GOLGA3: variants seen among roughly 807,000 people sequenced by gnomAD.
GOLGA3 encodes golgin A3.
Under a neutral mutation model 169.4 loss-of-function variants are expected in GOLGA3, and 75 were observed. The ratio of observed to expected loss-of-function variants is 0.44; its 90% CI spans 0.37 to 0.54. The LOEUF is 0.54. Among genes scored for constraint, GOLGA3 ranks in the 20% least tolerant of loss-of-function variants. The pLI is 0.00. For synonymous variants in GOLGA3, 824 were observed against 822.4 expected (o/e 1.00, Z -0.03); for missense variants, 1,899 against 1,930.0 (o/e 0.98, Z 0.30).
intron 3 of GOLGA3, among the ~76,000 whole-genome samples, chr12:132,814,621 G>A (rs575954331): frequency 1.3e-5 from 2 of 152,302 alleles, no homozygotes; most frequent in South Asian, 2.1e-4. Context: ...GTCACATTAC[G>A]ATAAGGCTCT....
Position 132,808,043 on chromosome 12 carries a change from G to T in GOLGA3, c.1026C>A (p.Pro342=). 1 of 1,605,082 alleles carries T rather than the reference G, an allele frequency of 6.2e-7. No homozygotes were observed. Among genetic ancestry groups the T allele is most frequent in the Non-Finnish European group, 8.5e-7 (1 of 1,174,630 alleles). The change falls in exon 5 of 24, where the codon CCC becomes CCA. Residue 342 remains proline, a synonymous_variant. Transcript: ENST00000450791. ...GAATCTCCTGGCCGTTGACCATATA[G>T]GGGGTGTCCTGCGTGCCCACTGTCT... The part of the protein sequence containing the change: ...LSKTVGTQDT[P]YMVNGQEIPA...
intron 4 of GOLGA3, among the ~76,000 whole-genome samples, chr12:132,811,371 G>A (rs765002111): frequency 6.6e-5 from 10 of 152,044 alleles, no homozygotes; most frequent in African/African-American, 2.2e-4. Context: ...GGCCCTCTGC[G>A]GCCATTCTAA....
chr12:132,774,349 C>G (rs1473506129), intron 22 of GOLGA3, 29 bp from the exon 23 acceptor site: 1 of 1,607,144 alleles, frequency 6.2e-7, no homozygotes, highest in Non-Finnish European at 8.5e-7. Context: ...GATCAGCTTT[C>G]CCACCGTCCC....
intron 2 of GOLGA3, 148 bp downstream of exon 2, chr12:132,821,848 C>G (rs1322828387): frequency 1.8e-6 from 1 of 556,696 alleles, no homozygotes; most frequent in African/African-American, 2.5e-5. Flanking sequence ...AGCGAGACTC[C>G]GTCTCAAAAA....
chr12:132,816,961 C>T (rs1260722461), intron 2 of GOLGA3, 149 bp from the exon 3 acceptor site: 4 of 787,282 alleles, frequency 5.1e-6, no homozygotes, highest in Non-Finnish European at 7.9e-6. Flanking sequence ...CTGAGAGGAG[C>T]AGCCCATGGG....
intron 1 of GOLGA3, chr12:132,828,022 C>T (rs1380416636): frequency 1.3e-5 from 2 of 152,282 alleles, no homozygotes; most frequent in African/African-American, 4.8e-5. Context: ...TTACCGCCAT[C>T]GCTTTCCCCC....
At chr12:132,796,814 T>A (rs1799000052) in intron 9 of GOLGA3, 114 bp from the exon 10 acceptor site, 8 of 1,042,562 alleles carry the variant, frequency 7.7e-6, no homozygotes, top group Middle Eastern at 2.2e-4. Context: ...CCCATCCACC[T>A]CCTCATCCTG....
chr12:132,779,964 C>T (rs1349153424), intron 18 of GOLGA3, among the ~76,000 whole-genome samples: 2 of 133,258 alleles, frequency 1.5e-5, no homozygotes, highest in Admixed American at 8.2e-5. Flanking sequence ...GACATCACAA[C>T]CCTTCCACGC....
Position 132,801,902 on chromosome 12 carries a change from C to T in GOLGA3, c.1665G>A (p.Thr555=), listed in dbSNP as rs199984031. 1.6e-5 allele frequency: 26 copies of T among 1,602,800 alleles called. No individual in the cohort carries two copies. The East Asian group carries it at 2.0e-4, about 12-fold the overall frequency. Residue 555 remains threonine (T), a synonymous_variant, in exon 8 of 24, where the codon ACG becomes ACA. Coordinates refer to ENST00000450791, the MANE Select transcript of GOLGA3 (RefSeq NM_001389683.1). ...SQLQQVQLER[T]TLTSKLKASQ... is the part of the protein sequence containing the mutation. ...ACGCCTTCAGCTTGCTGGTCAGCGTCGTCCGCTCCAGCTGCACCTGCTGAA... is the reference window on the plus strand; with the variant it reads ...ACGCCTTCAGCTTGCTGGTCAGCGTTGTCCGCTCCAGCTGCACCTGCTGAA...
chr12:132,776,844 T>C, intron 20 of GOLGA3, 88 bp from the exon 21 acceptor site: 1 of 1,560,132 alleles, frequency 6.4e-7, no homozygotes, highest in Non-Finnish European at 8.7e-7. Context: ...TTGGTTTATC[T>C]TTTAATACCA....
intron 8 of GOLGA3, among the ~76,000 whole-genome samples, 189 bp downstream of exon 8, chr12:132,801,578 T>TGG (rs1052970072): frequency 6.7e-6 from 1 of 149,744 alleles, no homozygotes; most frequent in African/African-American, 2.5e-5. Flanking sequence ...GTCAGAAGGT[T>TGG]GGGGGGGGGC....
chr12:132,789,386 T>A, intron 12 of GOLGA3, 96 bp from the exon 13 acceptor site: 1 of 1,034,012 alleles, frequency 9.7e-7, no homozygotes. Flanking sequence ...GTTTACCACT[T>A]ATCGGGGGCA....
intron 17 of GOLGA3, 54 bp from the exon 18 acceptor site, chr12:132,780,968 C>G: frequency 7.3e-7 from 1 of 1,361,254 alleles, no homozygotes; most frequent in Non-Finnish European, 1.0e-6. Context: ...TACAAACACA[C>G]AAGGCTGCTA....
At chr12:132,779,036 G>A (rs2045403595) in intron 18 of GOLGA3, among the ~76,000 whole-genome samples, 1 of 152,216 alleles carries the variant, frequency 6.6e-6, no homozygotes, top group African/African-American at 2.4e-5. Flanking sequence ...GATGAGGCCT[G>A]TGGGGCCAAG....
At chr12:132,784,363 A>C in intron 15 of GOLGA3, 56 bp from the exon 16 acceptor site, 4 of 1,477,236 alleles carry the variant, frequency 2.7e-6, no homozygotes, top group Non-Finnish European at 3.7e-6. Flanking sequence ...GACCCCCCTC[A>C]CTTCCTGTGG....
intron 4 of GOLGA3, among the ~76,000 whole-genome samples, chr12:132,812,181 C>G (rs1360213671): frequency 1.6e-5 from 2 of 125,510 alleles, no homozygotes; most frequent in East Asian, 4.6e-4. Context: ...AAGCGAGATT[C>G]TGTCTCAAAA....
Position 132,795,977 on chromosome 12 carries a change from A to G in GOLGA3, c.2344T>C (p.Leu782=), listed in dbSNP as rs771748306. 6.2e-7 allele frequency: 1 copy of G among 1,613,842 alleles called. No individual in the cohort carries two copies. The highest frequency in any genetic ancestry group is 8.5e-7 in the Non-Finnish European group (1 of 1,180,010). Residue 782 remains leucine, a synonymous_variant, in exon 11 of 24, where the codon TTG becomes CTG. Transcript: ENST00000450791. Reference sequence around the variant, plus strand: ...TCCTTGCCACTCTTGGCCGCCTGCAAAGCCGCCTCCAAGATGATCTTCTCG... The same window carrying G: ...TCCTTGCCACTCTTGGCCGCCTGCAGAGCCGCCTCCAAGATGATCTTCTCG... ...QNEKIILEAA[L]QAAKSGKEEL... is the part of the protein sequence containing the mutation.
chr12:132,773,607 C>T (rs370985772), intron 23 of GOLGA3, among the ~76,000 whole-genome samples: 8 of 152,244 alleles, frequency 5.3e-5, no homozygotes, highest in African/African-American at 1.7e-4. Context: ...CTTCGCTCAG[C>T]CTCAGGCTGC....
intron 17 of GOLGA3, among the ~76,000 whole-genome samples, chr12:132,781,188 A>G (rs2045584510): frequency 6.6e-6 from 1 of 151,934 alleles, no homozygotes. Context: ...TTGAGGATGC[A>G]GTGAGCTATG....
Sources: allele counts gnomAD v4.1 joint callset (sites outside exome capture counted in the v4.1 genomes callset), GRCh38; gene constraint gnomAD v4.1.1; transcripts MANE v1.5; gene names NCBI Gene and HGNC (gene_info 2026-07-23, HGNC 2026-07-21).